Variants in LRBA observed in about 807,000 individuals in gnomAD.
LRBA encodes lipopolysaccharide-responsive and beige-like anchor protein.
A neutral mutation model predicts 330.0 loss-of-function variants in LRBA; 176 were observed. The ratio of observed to expected loss-of-function variants is 0.53; its 90% confidence interval spans 0.47 to 0.60. The LOEUF (loss-of-function observed/expected upper bound fraction) is 0.60. Ranked by LOEUF, LRBA falls within the 20% of genes least tolerant of loss-of-function variation. LRBA has a pLI of 0.00. For missense variants in LRBA, 3,259 were observed against 3,444.8 expected (o/e 0.95, Z 1.35); for synonymous variants, 1,230 against 1,193.0 (o/e 1.03, Z -0.64).
At chr4:150,757,547 G>A (rs1734480989) in intron 35 of LRBA, among the ~76,000 whole-genome samples, 1 of 152,060 alleles carries the variant, frequency 6.6e-6, no homozygotes, top group Non-Finnish European at 1.5e-5. Flanking sequence ...AAGAAAAAAA[G>A]GTTAGTCTTT....
chr4:150,574,257 T>C (rs1770252053), intron 40 of LRBA, among the ~76,000 whole-genome samples: 2 of 152,100 alleles, frequency 1.3e-5, no homozygotes, highest in South Asian at 4.1e-4. Context: ...TTTGTAAATT[T>C]TTTCCATAAA....
intron 40 of LRBA, among the ~76,000 whole-genome samples, chr4:150,571,342 T>C (rs1769813650): frequency 6.6e-6 from 1 of 152,026 alleles, no homozygotes; most frequent in Non-Finnish European, 1.5e-5. Context: ...AAATCAATGA[T>C]TAATAAACAG....
intron 47 of LRBA, among the ~76,000 whole-genome samples, chr4:150,366,561 G>C (rs1019143307): frequency 6.6e-6 from 1 of 152,176 alleles, no homozygotes; most frequent in Non-Finnish European, 1.5e-5. Flanking sequence ...GGTGGACAGT[G>C]AGAGGAGGGA....
Position 150,732,823 on chromosome 4 carries a change from CT to C in LRBA, c.5754+2434del, listed in dbSNP as rs1164493541. Among the ~76,000 whole-genome samples, 3 of 152,104 alleles carry C rather than the reference CT, an allele frequency of 2.0e-5. No homozygotes were observed. The East Asian group carries it at 5.8e-4, about 29-fold the overall frequency. ...AATTCACACATATGCCCAAGTTCTA[CT>C]TTTACAGTTTTCCAAATATGTTTCT... is the stretch of plus-strand genomic sequence containing the variant. On this transcript the variant is annotated intron_variant, in intron 36 of 56. Transcript: ENST00000651943.
chr4:150,299,298 T>C (rs1212100440), intron 53 of LRBA, among the ~76,000 whole-genome samples: 1 of 152,074 alleles, frequency 6.6e-6, no homozygotes, highest in African/African-American at 2.4e-5. Context: ...GAATCCTATA[T>C]TCATTTTTCT....
At position 150,315,627 on chromosome 4, in the gene LRBA, G is replaced by C; in HGVS notation, c.7631-4C>G. ...TCTTGTACAGCACCTTGATGAGCTG[G>C]AATTCACAAAAGATAAAGAAAAAAG... On this transcript the variant is annotated splice_region_variant and splice_polypyrimidine_tract_variant and intron_variant, in intron 50 of 56. Coordinates refer to ENST00000651943, the MANE Select transcript of LRBA (RefSeq NM_001364905.1). 6.4e-7 allele frequency: 1 copy of C among 1,567,626 alleles called. No homozygotes were observed. The highest frequency in any genetic ancestry group is 1.2e-5 in the South Asian group (1 of 84,318).
intron 55 of LRBA, among the ~76,000 whole-genome samples, chr4:150,280,612 G>A (rs1747372068): frequency 6.6e-6 from 1 of 152,212 alleles, no homozygotes; most frequent in Non-Finnish European, 1.5e-5. Context: ...TAGGTGGGAA[G>A]TGCAGAGCTT....
chr4:150,411,926 G>A (rs188114679), intron 47 of LRBA, among the ~76,000 whole-genome samples: 21 of 152,228 alleles, frequency 1.4e-4, no homozygotes, highest in African/African-American at 5.1e-4. Context: ...GTGACAATAT[G>A]CTAACCAATA....
chr4:150,331,725 A>G (rs1325085985), intron 48 of LRBA, among the ~76,000 whole-genome samples: 1 of 152,206 alleles, frequency 6.6e-6, no homozygotes, highest in African/African-American at 2.4e-5. Flanking sequence ...AAGGGGCTGA[A>G]TATACTCAGA....
intron 44 of LRBA, among the ~76,000 whole-genome samples, chr4:150,442,566 G>A (rs1437518227): frequency 1.3e-5 from 2 of 152,144 alleles, no homozygotes; most frequent in South Asian, 2.1e-4. Flanking sequence ...CGTGATGACA[G>A]ATAAAGCCTG....
intron 51 of LRBA, chr4:150,311,456 T>A (rs538551102): frequency 9.9e-5 from 15 of 152,230 alleles, no homozygotes; most frequent in African/African-American, 3.6e-4. Context: ...TATATTAATG[T>A]GGGTAGTTTA....
intron 46 of LRBA, among the ~76,000 whole-genome samples, chr4:150,425,312 A>G (rs1244522219): frequency 6.6e-6 from 1 of 152,236 alleles, no homozygotes; most frequent in Non-Finnish European, 1.5e-5. Context: ...ATGATAAGTA[A>G]ACAACACTGA....
chr4:150,906,797 A>G (rs1052369544), intron 11 of LRBA, among the ~76,000 whole-genome samples: 1 of 152,154 alleles, frequency 6.6e-6, no homozygotes, highest in Non-Finnish European at 1.5e-5. Flanking sequence ...GTTAGGGGCC[A>G]AAAGGTGAGA....
At position 150,295,924 on chromosome 4, in the gene LRBA, T is replaced by C. The variant is rs1259830810; in HGVS notation, c.8017+6701A>G. ...TTTTCCCATGGAGGGGCTTGGTCTT[T>C]GGTTCTAGGTAAGCTATGGCTCCTG... On this transcript the variant is annotated intron_variant, in intron 53 of 56. Coordinates refer to ENST00000651943, the MANE Select transcript of LRBA (RefSeq NM_001364905.1). Among the ~76,000 whole-genome samples, 3 of 152,216 alleles carry C rather than the reference T, an allele frequency of 2.0e-5. No homozygotes were observed. In the East Asian group the frequency reaches 5.8e-4, roughly 29 times the overall value.
chr4:150,794,548 T>C (rs1051799457), intron 34 of LRBA, among the ~76,000 whole-genome samples: 3 of 151,694 alleles, frequency 2.0e-5, no homozygotes, highest in African/African-American at 7.3e-5. Flanking sequence ...CTCATTCTTA[T>C]TATAAATTAT....
At chr4:150,608,980 T>G (rs1358109341) in intron 37 of LRBA, among the ~76,000 whole-genome samples, 1 of 151,940 alleles carries the variant, frequency 6.6e-6, no homozygotes, top group African/African-American at 2.4e-5. Context: ...GTAGATACGC[T>G]GCATTTTGAT....
chr4:150,928,368 G>C, intron 4 of LRBA, 148 bp downstream of exon 4: 1 of 567,340 alleles, frequency 1.8e-6, no homozygotes, highest in Non-Finnish European at 3.1e-6. Flanking sequence ...TATGGCACGA[G>C]TAGCCACAGG....
intron 56 of LRBA, among the ~76,000 whole-genome samples, chr4:150,267,932 C>T (rs1202857641): frequency 6.6e-6 from 1 of 151,928 alleles, no homozygotes; most frequent in Non-Finnish European, 1.5e-5. Flanking sequence ...TGGTAGTGGG[C>T]ACCTGTAATC....
intron 44 of LRBA, among the ~76,000 whole-genome samples, chr4:150,448,874 T>C (rs1027954541): frequency 4.0e-5 from 6 of 150,238 alleles, no homozygotes; most frequent in Non-Finnish European, 5.9e-5. Flanking sequence ...ATAAAGAATT[T>C]CTAAATACCA....
Sources: allele counts gnomAD v4.1 joint callset (sites outside exome capture counted in the v4.1 genomes callset), GRCh38; gene constraint gnomAD v4.1.1; transcripts MANE v1.5; gene names NCBI Gene and HGNC (gene_info 2026-07-23, HGNC 2026-07-21).